Variants in GLRA1 observed in about 807,000 individuals in gnomAD.
The protein encoded by GLRA1 is glycine receptor subunit alpha-1.
GLRA1 carries 37 observed loss-of-function variants against 48.3 expected under a neutral mutation model. That is an observed-to-expected ratio of 0.77 (90% CI 0.59 to 1.01). GLRA1 has a LOEUF of 1.01. GLRA1 is among the 50% of genes least tolerant of loss of function. The pLI is 0.00. For synonymous variants in GLRA1, 196 were observed against 210.7 expected, an observed-to-expected ratio of 0.93 and a Z score of 0.60; for missense variants, 427 against 571.0, an observed-to-expected ratio of 0.75 and a Z score of 2.57.
At chr5:151,886,827 A>G (rs568303891) in intron 2 of GLRA1, 39 bp from the exon 3 acceptor site, 8 of 1,468,650 alleles carry the variant, frequency 5.4e-6, no homozygotes, top group South Asian at 3.4e-5. Flanking sequence ...CCCCAAGGCC[A>G]TGGAAGAACC....
At chr5:151,865,794 T>G (rs1753320691) in intron 3 of GLRA1, among the ~76,000 whole-genome samples, 1 of 152,088 alleles carries the variant, frequency 6.6e-6, no homozygotes, top group Non-Finnish European at 1.5e-5. Flanking sequence ...GAATGTACCT[T>G]GGTGTCCTCA....
chr5:151,886,466 A>C (rs1753909498), intron 3 of GLRA1, among the ~76,000 whole-genome samples: 2 of 152,184 alleles, frequency 1.3e-5, no homozygotes, highest in Non-Finnish European at 2.9e-5. Context: ...TTGTTGTATA[A>C]TTTTGTTTTT....
At chr5:151,915,629 A>G (rs1754719340) in intron 1 of GLRA1, among the ~76,000 whole-genome samples, 1 of 152,064 alleles carries the variant, frequency 6.6e-6, no homozygotes, top group South Asian at 2.1e-4. Flanking sequence ...CAAAACAAAT[A>G]GTAAATTACA....
intron 8 of GLRA1, 66 bp from the exon 9 acceptor site, chr5:151,823,029 G>A (rs747414073): frequency 3.5e-6 from 5 of 1,416,062 alleles, no homozygotes; most frequent in Non-Finnish European, 4.8e-6. Flanking sequence ...TCCCTGCAAG[G>A]CACTCCCTTG....
chr5:151,893,824 G>A (rs1445268647), intron 1 of GLRA1, among the ~76,000 whole-genome samples: 3 of 152,148 alleles, frequency 2.0e-5, no homozygotes, highest in African/African-American at 7.2e-5. Flanking sequence ...AAACATACAT[G>A]TGCATGTATC....
chr5:151,838,438 T>C (rs1763628863), intron 7 of GLRA1, among the ~76,000 whole-genome samples: 1 of 152,088 alleles, frequency 6.6e-6, no homozygotes, highest in Non-Finnish European at 1.5e-5. Context: ...CACCGCACTC[T>C]AGCCTGGGCA....
chr5:151,898,005 A>C (rs1440083177), intron 1 of GLRA1, among the ~76,000 whole-genome samples: 2 of 152,164 alleles, frequency 1.3e-5, no homozygotes, highest in Non-Finnish European at 2.9e-5. Flanking sequence ...TGTTACTTCT[A>C]ATGACAGAGA....
intron 3 of GLRA1, among the ~76,000 whole-genome samples, chr5:151,882,998 C>A (rs1753796315): frequency 6.6e-6 from 1 of 151,378 alleles, no homozygotes; most frequent in Admixed American, 6.6e-5. Flanking sequence ...GTTCTAAGAA[C>A]CTATTGGTGA....
intron 3 of GLRA1, among the ~76,000 whole-genome samples, chr5:151,884,853 AATGTCAAT>A (rs1245248429): frequency 6.6e-6 from 1 of 152,224 alleles, no homozygotes; most frequent in African/African-American, 2.4e-5. Flanking sequence ...GATTAATACA[AATGTCAAT>A]ATGCTTCTGA....
intron 3 of GLRA1, among the ~76,000 whole-genome samples, chr5:151,867,851 T>C (rs1242324789): frequency 6.6e-6 from 1 of 152,160 alleles, no homozygotes; most frequent in Non-Finnish European, 1.5e-5. Context: ...CAAACCAAGG[T>C]ATTTGGATTT....
intron 7 of GLRA1, among the ~76,000 whole-genome samples, chr5:151,845,666 A>G (rs1248541276): frequency 2.6e-5 from 4 of 152,212 alleles, no homozygotes; most frequent in African/African-American, 4.8e-5. Context: ...CAGTTCCTCA[A>G]AAAGTTAAGC....
intron 2 of GLRA1, among the ~76,000 whole-genome samples, chr5:151,888,150 C>T (rs188186449): frequency 6.6e-4 from 100 of 152,334 alleles, no homozygotes; most frequent in Non-Finnish European, 3.1e-4. Flanking sequence ...CCAAAGTTTT[C>T]TGATTGTGGA....
chr5:151,850,593 CCAA>C, intron 7 of GLRA1: 2 of 1,468,914 alleles, frequency 1.4e-6, no homozygotes, highest in Non-Finnish European at 9.5e-7. Context: ...CATGAAACCT[CCAA>C]CATCAACGAC....
intron 1 of GLRA1, among the ~76,000 whole-genome samples, chr5:151,908,818 TG>T (rs2113448383): frequency 6.6e-6 from 1 of 152,346 alleles, no homozygotes; most frequent in South Asian, 2.1e-4. Context: ...GGCTGTGATT[TG>T]GGGTGAGCCC....
At chr5:151,859,269 T>G (rs886496784) in intron 4 of GLRA1, among the ~76,000 whole-genome samples, 1 of 152,190 alleles carries the variant, frequency 6.6e-6, no homozygotes, top group African/African-American at 2.4e-5. Flanking sequence ...GCTTTGCCCC[T>G]AGCCAATATC....
intron 3 of GLRA1, among the ~76,000 whole-genome samples, chr5:151,873,765 C>A (rs1753553117): frequency 6.6e-6 from 1 of 152,010 alleles, no homozygotes; most frequent in Non-Finnish European, 1.5e-5. Context: ...TAAGTATGGC[C>A]CCACTTTGCT....
intron 7 of GLRA1, among the ~76,000 whole-genome samples, chr5:151,844,611 T>C: frequency 1.0e-5 from 1 of 97,562 alleles, no homozygotes; most frequent in South Asian, 3.3e-4. Flanking sequence ...GACAGAGTAG[T>C]ACTCTATCTC....
intron 3 of GLRA1, among the ~76,000 whole-genome samples, chr5:151,873,871 A>T (rs1581635207): frequency 2.0e-5 from 3 of 152,146 alleles, no homozygotes; most frequent in Admixed American, 6.5e-5. Flanking sequence ...GATTTGTTAC[A>T]TGGGTATATT....
chr5:151,863,557 C>G (rs894433267), intron 3 of GLRA1, among the ~76,000 whole-genome samples: 16 of 152,064 alleles, frequency 1.1e-4, no homozygotes, highest in Admixed American at 9.8e-4. Flanking sequence ...GGGCATAGCT[C>G]TCTATGTTGG....
Sources: gnomAD v4.1 joint callset for allele counts (sites outside exome capture counted in the v4.1 genomes callset) on GRCh38, gnomAD v4.1.1 for gene constraint, MANE v1.5 for transcripts, NCBI Gene and HGNC (gene_info 2026-07-23, HGNC 2026-07-21) for gene names.